Variants in ALK observed in about 807,000 individuals in gnomAD.
ALK encodes the protein ALK receptor tyrosine kinase.
A neutral mutation model predicts 163.1 loss-of-function variants in ALK; 74 were observed. The observed-to-expected ratio is 0.45, with a 90% CI of 0.38 to 0.55. The LOEUF is 0.55. Ranked by LOEUF, ALK falls within the 20% of genes least tolerant of loss-of-function variation. The pLI is 0.00. For missense variants in ALK, 2,063 were observed against 2,105.3 expected (o/e 0.98, Z 0.39); for synonymous variants, 960 against 843.2 (o/e 1.14, Z -2.40).
intron 3 of ALK, among the ~76,000 whole-genome samples, chr2:29,648,348 A>G (rs867101146): frequency 6.6e-6 from 1 of 152,130 alleles, no homozygotes; most frequent in Non-Finnish European, 1.5e-5. Context: ...TGAAATATAC[A>G]TAACATAAAA....
chr2:29,898,705 C>T (rs941219646), intron 1 of ALK, among the ~76,000 whole-genome samples: 2 of 152,286 alleles, frequency 1.3e-5, no homozygotes, highest in South Asian at 4.1e-4. Flanking sequence ...GACTGAATGT[C>T]CCCAACATGG....
chr2:29,764,997 G>A (rs1292932237), intron 1 of ALK, among the ~76,000 whole-genome samples: 1 of 152,058 alleles, frequency 6.6e-6, no homozygotes, highest in South Asian at 2.1e-4. Flanking sequence ...AAAGGTGGGT[G>A]GCACCTCCTT....
At chr2:29,842,070 C>A (rs1230803836) in intron 1 of ALK, among the ~76,000 whole-genome samples, 2 of 151,922 alleles carry the variant, frequency 1.3e-5, no homozygotes, top group Non-Finnish European at 2.9e-5. Flanking sequence ...TCCATCCTCC[C>A]CCCTCCTTCC....
intron 8 of ALK, among the ~76,000 whole-genome samples, chr2:29,303,491 A>G (rs183068346): frequency 1.3e-5 from 2 of 152,346 alleles, no homozygotes; most frequent in East Asian, 3.9e-4. Context: ...TCAAAGAACT[A>G]AAAACAGAAC....
chr2:29,195,396 A>G (rs779277885), intron 28 of ALK, among the ~76,000 whole-genome samples: 1 of 152,186 alleles, frequency 6.6e-6, no homozygotes, highest in Non-Finnish European at 1.5e-5. Context: ...GAGGCTGGAA[A>G]ATGACTACAG....
At chr2:29,894,813 T>C (rs11685052) in intron 1 of ALK, among the ~76,000 whole-genome samples, 107,510 of 151,446 alleles carry the variant, frequency 0.71, 38,497 homozygotes, top group East Asian at 0.78. Context: ...TACTAGTATC[T>C]GTGAGAATGT....
rs553490337 is a variant in ALK, at chr2:29,825,018, T to C, written c.667+94975A>G. ...TCATGGGAGCAAGTCTTTCCTGTGC[T>C]GTTCTCATGATAGTGAGTAAGGCTC... On this transcript the variant is annotated intron_variant, in intron 1 of 28. Transcript: ENST00000389048. Among the ~76,000 whole-genome samples, 12 of 152,332 alleles carry C rather than the reference T, an allele frequency of 7.9e-5. No homozygotes were observed. The South Asian group carries it at 2.5e-3, about 32-fold the overall frequency.
At chr2:29,216,972 G>C (rs1037078634) in intron 23 of ALK, among the ~76,000 whole-genome samples, 1 of 144,338 alleles carries the variant, frequency 6.9e-6, no homozygotes, top group African/African-American at 2.5e-5. Flanking sequence ...TGGTGTGTGC[G>C]TGGTGTGTGT....
intron 1 of ALK, among the ~76,000 whole-genome samples, chr2:29,860,029 GC>G (rs1163980667): frequency 3.3e-5 from 5 of 152,170 alleles, no homozygotes; most frequent in Middle Eastern, 3.2e-3. Flanking sequence ...AATCAGAACA[GC>G]AGTGGCCCAT....
At chr2:29,498,086 C>A (rs1362890492) in intron 4 of ALK, among the ~76,000 whole-genome samples, 1 of 152,108 alleles carries the variant, frequency 6.6e-6, no homozygotes, top group African/African-American at 2.4e-5. Context: ...TCAGTAAGTG[C>A]ACATGGGAGC....
At chr2:29,448,170 G>A (rs889510908) in intron 4 of ALK, among the ~76,000 whole-genome samples, 1 of 152,070 alleles carries the variant, frequency 6.6e-6, no homozygotes. Flanking sequence ...GACACAGTTC[G>A]AATCAAATCT....
chr2:29,349,650 T>G (rs976979257), intron 5 of ALK, among the ~76,000 whole-genome samples: 1 of 152,206 alleles, frequency 6.6e-6, no homozygotes, highest in Non-Finnish European at 1.5e-5. Flanking sequence ...CTTTCATTAT[T>G]TCCAGCTCTG....
intron 11 of ALK, among the ~76,000 whole-genome samples, chr2:29,270,343 G>C (rs766200052): frequency 3.9e-5 from 6 of 152,172 alleles, no homozygotes; most frequent in Non-Finnish European, 8.8e-5. Context: ...ATCTGTTAAA[G>C]GGGGATACTA....
In ALK at chr2:29,611,714, T is replaced by C. The variant is rs113636699; in HGVS notation, c.953-79598A>G. Reference sequence around the variant, plus strand: ...CCCTTGCTGTTCTTGTGATAGTGAGTGAACTCTCAGGAGATCTGGTTGTTT... The same window carrying C: ...CCCTTGCTGTTCTTGTGATAGTGAGCGAACTCTCAGGAGATCTGGTTGTTT... On this transcript the variant is annotated intron_variant, in intron 3 of 28. Transcript: ENST00000389048. Among the ~76,000 whole-genome samples the C allele has an allele frequency of 5.1e-3, 772 of 152,122 alleles. 8 individuals carry two copies. Among genetic ancestry groups the C allele is most frequent in the African/African-American group, 0.016 (674 of 41,498 alleles).
At chr2:29,575,888 G>C (rs1674512606) in intron 3 of ALK, among the ~76,000 whole-genome samples, 1 of 152,144 alleles carries the variant, frequency 6.6e-6, no homozygotes, top group Admixed American at 6.5e-5. Flanking sequence ...TTTGCAGCAG[G>C]GGTGTGGCTG....
At chr2:29,372,613 T>C (rs2148294027) in intron 5 of ALK, among the ~76,000 whole-genome samples, 1 of 151,958 alleles carries the variant, frequency 6.6e-6, no homozygotes, top group East Asian at 1.9e-4. Flanking sequence ...GGGATAGGTG[T>C]CACTGTCTTC....
At chr2:29,752,913 G>A (rs1680414011) in intron 1 of ALK, among the ~76,000 whole-genome samples, 1 of 152,108 alleles carries the variant, frequency 6.6e-6, no homozygotes, top group Admixed American at 6.6e-5. Context: ...GGGCTTTCCT[G>A]GATTGATGCC....
At chr2:29,249,749 C>T (rs1024004321) in intron 12 of ALK, among the ~76,000 whole-genome samples, 10 of 152,216 alleles carry the variant, frequency 6.6e-5, no homozygotes, top group African/African-American at 2.4e-4. Flanking sequence ...GTCCTTTCCT[C>T]CCCGCCCTGG....
intron 9 of ALK, among the ~76,000 whole-genome samples, chr2:29,286,999 C>T (rs1470718565): frequency 6.6e-6 from 1 of 151,808 alleles, no homozygotes; most frequent in African/African-American, 2.4e-5. Context: ...TTCCCCAGCA[C>T]CCTTTGCAGT....
Sources: gnomAD v4.1 joint callset for allele counts (sites outside exome capture counted in the v4.1 genomes callset) on GRCh38, gnomAD v4.1.1 for gene constraint, MANE v1.5 for transcripts, NCBI Gene and HGNC (gene_info 2026-07-23, HGNC 2026-07-21) for gene names.